The following MGAT3 variants were observed in gnomAD, a reference collection of about 807,000 sequenced individuals.
MGAT3 encodes GlcNAc-T III.
MGAT3 carries 9 observed loss-of-function variants against 29.8 expected under a neutral mutation model. That is an observed-to-expected ratio of 0.30 (90% confidence interval 0.18 to 0.53). The LOEUF is 0.53. Ranked by LOEUF, MGAT3 falls within the 20% of genes least tolerant of loss-of-function variation. The probability of loss-of-function intolerance (pLI) is 0.96; values close to 1 mark genes in which losing one functional copy is unlikely to be tolerated. For synonymous variants in MGAT3, 397 were observed against 348.9 expected (o/e 1.14, Z -1.54); for missense variants, 557 against 769.5 (o/e 0.72, Z 3.27).
At chr22:39,458,949 G>A (rs1928419771) in intron 1 of MGAT3, among the ~76,000 whole-genome samples, 1 of 152,200 alleles carries the variant, frequency 6.6e-6, no homozygotes, top group South Asian at 2.1e-4. Flanking sequence ...ACGGCAGGGA[G>A]CCAAGACCTG....
At chr22:39,474,933 A>G (rs1429180122) in intron 1 of MGAT3, among the ~76,000 whole-genome samples, 2 of 151,986 alleles carry the variant, frequency 1.3e-5, no homozygotes, top group Non-Finnish European at 2.9e-5. Flanking sequence ...GCTCCCTGAT[A>G]AGGTCCCTCT....
chr22:39,479,101 TG>T (rs914193607), intron 1 of MGAT3, among the ~76,000 whole-genome samples: 7 of 152,042 alleles, frequency 4.6e-5, no homozygotes, highest in Non-Finnish European at 5.9e-5. Flanking sequence ...ATCCCAACAC[TG>T]GGGGGCCGAG....
At chr22:39,477,004 C>T (rs1039447890) in intron 1 of MGAT3, among the ~76,000 whole-genome samples, 1 of 152,260 alleles carries the variant, frequency 6.6e-6, no homozygotes, top group Middle Eastern at 3.4e-3. Context: ...CCTGTCTCCC[C>T]ATGTGGGATC....
chr22:39,459,502 G>A (rs1928439218), intron 1 of MGAT3, among the ~76,000 whole-genome samples: 1 of 151,694 alleles, frequency 6.6e-6, no homozygotes, highest in African/African-American at 2.4e-5. Context: ...CTCACTCTGT[G>A]ATCCAAGCTG....
intron 1 of MGAT3, among the ~76,000 whole-genome samples, chr22:39,462,657 C>T (rs1256435189): frequency 1.3e-5 from 2 of 152,034 alleles, no homozygotes; most frequent in African/African-American, 4.8e-5. Flanking sequence ...GGAACCCCCT[C>T]TCACAGCAGG....
chr22:39,461,721 C>G (rs77286079), intron 1 of MGAT3, among the ~76,000 whole-genome samples: 7,404 of 152,140 alleles, frequency 0.049, 605 homozygotes, highest in African/African-American at 0.17. Flanking sequence ...TCAGACAGAC[C>G]CATCTCCCCT....
chr22:39,470,160 G>A (rs1257233610), intron 1 of MGAT3, among the ~76,000 whole-genome samples: 1 of 152,228 alleles, frequency 6.6e-6, no homozygotes, highest in African/African-American at 2.4e-5. Flanking sequence ...CAGGGTGAGG[G>A]CGGGGCAGAC....
intron 1 of MGAT3, among the ~76,000 whole-genome samples, chr22:39,485,309 TCA>T (rs1190890807): frequency 6.6e-6 from 1 of 152,162 alleles, no homozygotes; most frequent in Non-Finnish European, 1.5e-5. Flanking sequence ...GCTGCACGGC[TCA>T]TTCATAAAAC....
rs902890528 is a variant in MGAT3, at chr22:39,457,066, C to T, written c.-493C>T. Among the ~76,000 whole-genome samples, 6 of 149,464 alleles carry T rather than the reference C, an allele frequency of 4.0e-5. No homozygotes were observed. The highest frequency in any genetic ancestry group is 3.3e-4 in the Admixed American group (5 of 15,044). The stretch of plus-strand genomic sequence containing the variant: ...CACTCGATCCAGCACGCGCGGGCGG[C>T]GCGGGGCGGCGGCGGCCGGAGTCTG... On this transcript the variant is annotated 5_prime_UTR_variant, in exon 1 of 2. Transcript: ENST00000341184. The surrounding 1 kb of genome is among the most constrained non-coding windows in gnomAD (Gnocchi z 6.8).
intron 1 of MGAT3, among the ~76,000 whole-genome samples, chr22:39,485,673 C>T (rs1217786278): frequency 6.6e-6 from 1 of 152,022 alleles, no homozygotes; most frequent in Non-Finnish European, 1.5e-5. Context: ...TGCCTGTAAT[C>T]CCAGCTACTT....
At chr22:39,486,312 CTT>C (rs1198707980) in intron 1 of MGAT3, 1 of 298,044 alleles carries the variant, frequency 3.4e-6, no homozygotes, top group Non-Finnish European at 6.6e-6. Flanking sequence ...ACTCAGCTAA[CTT>C]TTGTATTTTT....
intron 1 of MGAT3, among the ~76,000 whole-genome samples, chr22:39,459,934 A>G (rs1412837880): frequency 6.6e-6 from 1 of 152,258 alleles, no homozygotes. Context: ...AGCGGCCATG[A>G]GAATCACGAG....
chr22:39,465,672 A>G (rs934522046), intron 1 of MGAT3, among the ~76,000 whole-genome samples: 2 of 152,048 alleles, frequency 1.3e-5, no homozygotes, highest in Non-Finnish European at 2.9e-5. Context: ...AAATCATGCA[A>G]AAAAACTCCA....
intron 1 of MGAT3, among the ~76,000 whole-genome samples, chr22:39,484,355 C>A (rs183574917): frequency 6.6e-6 from 1 of 151,900 alleles, no homozygotes; most frequent in Non-Finnish European, 1.5e-5. Context: ...TGATTAGGAG[C>A]CTTGTTTTTT....
At chr22:39,474,556 C>G (rs542106458) in intron 1 of MGAT3, among the ~76,000 whole-genome samples, 1 of 152,344 alleles carries the variant, frequency 6.6e-6, no homozygotes, top group Admixed American at 6.5e-5. Flanking sequence ...CAGCCCCAAG[C>G]ACCTTCCCTG....
At chr22:39,473,262 A>G (rs563132625) in intron 1 of MGAT3, among the ~76,000 whole-genome samples, 15 of 152,252 alleles carry the variant, frequency 9.9e-5, no homozygotes, top group Admixed American at 5.2e-4. Context: ...ACGGATCTGG[A>G]GGCTGGGAAG....
intron 1 of MGAT3, among the ~76,000 whole-genome samples, chr22:39,469,182 G>A (rs1928739894): frequency 6.7e-6 from 1 of 149,622 alleles, no homozygotes; most frequent in African/African-American, 2.5e-5. Context: ...TGCGGGCAGT[G>A]GGACGGACAA....
rs1031552407 is a variant in MGAT3 at position 39,457,939 on chromosome 22, G to C, written c.-2+382G>C. 6.6e-6 allele frequency among the ~76,000 whole-genome samples: 1 copy of C among 151,762 alleles called. No homozygotes were observed. Among genetic ancestry groups the C allele is most frequent in the African/African-American group, 2.4e-5 (1 of 41,388 alleles). The stretch of plus-strand genomic sequence containing the variant: ...GCGGCTCCCCCACAACCTCCGGCGC[G>C]GCGCGGGGCTGGGGTGGGAGGCCTC... On this transcript the variant is annotated intron_variant, in intron 1 of 1. Transcript: ENST00000341184. The surrounding 1 kb of genome is among the most constrained non-coding windows in gnomAD (Gnocchi z 6.8).
At chr22:39,466,211 G>A (rs917319622) in intron 1 of MGAT3, among the ~76,000 whole-genome samples, 5 of 152,172 alleles carry the variant, frequency 3.3e-5, no homozygotes, top group African/African-American at 1.2e-4. Context: ...GGGAAGAAAA[G>A]GAGCCCCGGA....
Sources: allele counts gnomAD v4.1 joint callset (sites outside exome capture counted in the v4.1 genomes callset), GRCh38; gene constraint gnomAD v4.1.1; non-coding constraint Gnocchi (gnomAD v3.1); transcripts MANE v1.5; gene names NCBI Gene and HGNC (gene_info 2026-07-23, HGNC 2026-07-21).